The following RHOT1 variants were observed in gnomAD, a reference collection of about 807,000 sequenced individuals.
RHOT1 encodes mitochondrial Rho GTPase 1.
A neutral mutation model predicts 95.3 loss-of-function variants in RHOT1; 27 were observed. That is an observed-to-expected ratio of 0.28 (90% confidence interval 0.21 to 0.39). The LOEUF is 0.39. Among genes scored for constraint, RHOT1 ranks in the 10% least tolerant of loss-of-function variants. RHOT1 has a pLI of 1.00. For synonymous variants in RHOT1, 227 were observed against 263.5 expected (o/e 0.86, Z 1.34); for missense variants, 578 against 786.7 (o/e 0.73, Z 3.17).
chr17:32,186,164 C>T (rs983732264), intron 8 of RHOT1, among the ~76,000 whole-genome samples: 6 of 152,182 alleles, frequency 3.9e-5, no homozygotes, highest in Non-Finnish European at 8.8e-5. Flanking sequence ...TATGAAGGTT[C>T]CAGTTCCTCC....
chr17:32,185,902 A>G (rs2036011700), intron 8 of RHOT1, among the ~76,000 whole-genome samples: 2 of 151,486 alleles, frequency 1.3e-5, no homozygotes, highest in Admixed American at 1.3e-4. Flanking sequence ...TAAATTTTCT[A>G]GTAAAGTCAG....
At chr17:32,213,979 C>T (rs919075415) in intron 19 of RHOT1, among the ~76,000 whole-genome samples, 4 of 152,280 alleles carry the variant, frequency 2.6e-5, no homozygotes, top group Non-Finnish European at 4.4e-5. Flanking sequence ...TGTCAGCACA[C>T]ATCCTGACAT....
intron 15 of RHOT1, 75 bp downstream of exon 15, chr17:32,202,975 C>A: frequency 6.9e-7 from 1 of 1,451,104 alleles, no homozygotes; most frequent in Non-Finnish European, 9.5e-7. Context: ...TTTTCATAGC[C>A]ATTGACCTTT....
Position 32,142,700 on chromosome 17 carries a change from A to G in RHOT1, c.8A>G (p.Lys3Arg), listed in dbSNP as rs1226053168. The change falls in exon 1 of 20, where the codon AAA becomes AGA. Residue 3 changes from lysine (K) to arginine (R), a missense_variant. Lys to Arg is a conservative substitution (Grantham distance 26, BLOSUM62 2). Transcript: ENST00000545287. Reference protein sequence around the residue: MKKDVRILLVGEP... With the variant: MKRDVRILLVGEP... Reference sequence around the variant, plus strand: ...CCCCCGAGAGCCGCCGACATGAAGAAAGACGTGCGGATCCTGCTGGTGGGA... The same window carrying G: ...CCCCCGAGAGCCGCCGACATGAAGAGAGACGTGCGGATCCTGCTGGTGGGA... 1.5e-5 allele frequency: 23 copies of G among 1,529,828 alleles called. No individual in the cohort carries two copies. Among genetic ancestry groups the G allele is most frequent in the Admixed American group, 2.1e-5 (1 of 48,494 alleles). 94.8% of individuals were successfully genotyped at this position (1,529,828 alleles called of 1,614,324 possible). A position where few individuals can be genotyped will look rare whatever the true frequency, so the allele number is the denominator to read the frequency against.
At chr17:32,203,139 G>A (rs757445963) in intron 15 of RHOT1, among the ~76,000 whole-genome samples, 7 of 151,892 alleles carry the variant, frequency 4.6e-5, no homozygotes, top group Non-Finnish European at 8.8e-5. Context: ...CTACAGATGT[G>A]AAAGCACCTA....
intron 1 of RHOT1, among the ~76,000 whole-genome samples, chr17:32,153,684 G>A (rs892595148): frequency 1.1e-4 from 17 of 152,128 alleles, no homozygotes; most frequent in African/African-American, 3.6e-4. Context: ...AAAATATCCA[G>A]GATAGCTCTT....
chr17:32,152,371 G>C (rs1463765896), intron 1 of RHOT1, among the ~76,000 whole-genome samples: 1 of 152,186 alleles, frequency 6.6e-6, no homozygotes, highest in Non-Finnish European at 1.5e-5. Flanking sequence ...CATAATGTTG[G>C]TTGTCTGTTC....
chr17:32,204,416 G>A (rs1325018116), intron 16 of RHOT1, among the ~76,000 whole-genome samples: 1 of 151,866 alleles, frequency 6.6e-6, no homozygotes, highest in African/African-American at 2.4e-5. Flanking sequence ...CGGGCATGGT[G>A]GTTCATGCCT....
chr17:32,150,121 T>G (rs1291787362), intron 1 of RHOT1, among the ~76,000 whole-genome samples: 1 of 152,156 alleles, frequency 6.6e-6, no homozygotes, highest in Non-Finnish European at 1.5e-5. Flanking sequence ...CCTTTGATAG[T>G]CTCACATAGG....
chr17:32,192,995 AGTG>A (rs2036611587), intron 9 of RHOT1, 138 bp from the exon 10 acceptor site: 2 of 587,816 alleles, frequency 3.4e-6, no homozygotes, highest in Admixed American at 3.3e-5. Flanking sequence ...CATTTAAAAA[AGTG>A]GTGACTATTC....
chr17:32,208,348 C>T (rs758705120), intron 18 of RHOT1, 39 bp downstream of exon 18: 5 of 1,500,026 alleles, frequency 3.3e-6, no homozygotes, highest in Non-Finnish European at 4.6e-6. Context: ...TTGCATGGTT[C>T]ATAACATTGC....
intron 19 of RHOT1, among the ~76,000 whole-genome samples, chr17:32,213,951 G>T (rs1327185774): frequency 1.3e-5 from 2 of 151,964 alleles, no homozygotes; most frequent in African/African-American, 2.4e-5. Flanking sequence ...TTATAAACTG[G>T]TAGTAATTTA....
At chr17:32,193,614 G>A (rs2036657373) in intron 10 of RHOT1, among the ~76,000 whole-genome samples, 2 of 152,128 alleles carry the variant, frequency 1.3e-5, no homozygotes, top group African/African-American at 2.4e-5. Flanking sequence ...AGTATAGAAT[G>A]TTCCCTGGAG....
intron 19 of RHOT1, among the ~76,000 whole-genome samples, chr17:32,221,479 T>C (rs2038834336): frequency 6.6e-6 from 1 of 152,224 alleles, no homozygotes. Flanking sequence ...TTTGATACTT[T>C]TGGAATACAT....
At chr17:32,150,519 A>G (rs1041625696) in intron 1 of RHOT1, 4 of 1,426,210 alleles carry the variant, frequency 2.8e-6, no homozygotes, top group African/African-American at 1.4e-5. Context: ...GCCTTATCAT[A>G]CTGGGCCAGG....
chr17:32,176,542 TTTTATTTATTTATTTA>T lies in RHOT1; in HGVS notation c.329+361_329+376del, dbSNP rs368484694. Among the ~76,000 whole-genome samples, 65 of 140,664 alleles carry T rather than the reference TTTTATTTATTTATTTA, an allele frequency of 4.6e-4. 1 individual carries two copies. The highest frequency in any genetic ancestry group is 1.2e-3 in the African/African-American group (43 of 35,110). The allele number at this position is 140,664 out of a possible 152,430, so 92.3% of individuals were successfully genotyped here. ...CAAACTGCTGCTTGAAAAGTCTCAG[TTTTATTTATTTATTTA>T]TTTATTTATTTATTTATTTATTTAT... On this transcript the variant is annotated intron_variant, in intron 6 of 19. Transcript: ENST00000545287.
intron 1 of RHOT1, chr17:32,151,599 A>C (rs750261630): frequency 3.3e-5 from 10 of 302,296 alleles, no homozygotes; most frequent in Non-Finnish European, 6.5e-5. Flanking sequence ...AAAGGAAATC[A>C]TGGCCCGGAG....
chr17:32,169,637 T>C (rs2034406661), intron 1 of RHOT1, among the ~76,000 whole-genome samples: 1 of 152,200 alleles, frequency 6.6e-6, no homozygotes, highest in East Asian at 1.9e-4. Context: ...ATAAAAAAGA[T>C]CTTGTGCACT....
intron 1 of RHOT1, chr17:32,151,554 C>T (rs1188163960): frequency 9.1e-6 from 4 of 437,480 alleles, no homozygotes; most frequent in East Asian, 5.3e-5. Flanking sequence ...TTCAGTCCTG[C>T]GCGGTGTGTC....
Sources: gnomAD v4.1 joint callset for allele counts (sites outside exome capture counted in the v4.1 genomes callset) on GRCh38, gnomAD v4.1.1 for gene constraint, MANE v1.5 for transcripts, NCBI Gene and HGNC (gene_info 2026-07-23, HGNC 2026-07-21) for gene names.